ZNF558: variants seen among roughly 807,000 people sequenced by gnomAD.
The protein encoded by ZNF558 is zinc finger protein 558.
A neutral mutation model predicts 37.6 loss-of-function variants in ZNF558; 23 were observed. The ratio of observed to expected loss-of-function variants is 0.61; its 90% CI spans 0.44 to 0.87. The LOEUF is 0.87. Among genes scored for constraint, ZNF558 ranks in the 40% least tolerant of loss-of-function variants. The pLI is 0.00. For missense variants in ZNF558, 429 were observed against 483.7 expected, an observed-to-expected ratio of 0.89 and a Z score of 1.06; for synonymous variants, 189 against 174.4, an observed-to-expected ratio of 1.08 and a Z score of -0.66.
intron 8 of ZNF558, among the ~76,000 whole-genome samples, chr19:8,812,887 A>G: frequency 6.6e-6 from 1 of 152,252 alleles, no homozygotes; most frequent in East Asian, 1.9e-4. Context: ...GAAATTTTCA[A>G]AAGAGTTGCA....
chr19:8,822,906 C>G lies in ZNF558; in HGVS notation c.-65-182G>C. 2 of 591,042 alleles carry G rather than the reference C, an allele frequency of 3.4e-6. No homozygotes were observed. The highest frequency in any genetic ancestry group is 6.0e-6 in the Non-Finnish European group (2 of 334,032). 36.6% of individuals were successfully genotyped at this position (591,042 alleles called of 1,614,324 possible). A position where few individuals can be genotyped will look rare whatever the true frequency, so the allele number is the denominator to read the frequency against. On this transcript the variant is annotated intron_variant, in intron 4 of 9. Transcript: ENST00000601372. The surrounding 1 kb of genome is among the most constrained non-coding windows in gnomAD (Gnocchi z 4.4). ...GGCCACCTGATGGAAAACTTGCCTT[C>G]CTCTGTCCCCAACACAACGACCAGT...
At chr19:8,833,016 T>C, upstream of ZNF558, 1 of 151,626 alleles carries the variant, frequency 6.6e-6, no homozygotes, top group Admixed American at 6.6e-5. Flanking sequence ...CGGAGACCAG[T>C]TCTGGGGGCG....
chr19:8,830,477 C>T (rs759112216), intron 2 of ZNF558, among the ~76,000 whole-genome samples: 12 of 152,278 alleles, frequency 7.9e-5, no homozygotes, highest in Non-Finnish European at 1.2e-4. Flanking sequence ...AAAAAAATCC[C>T]ATTACTCAAA....
At chr19:8,823,592 A>AC (rs2044158529) in intron 4 of ZNF558, among the ~76,000 whole-genome samples, 1 of 89,646 alleles carries the variant, frequency 1.1e-5, no homozygotes, top group Non-Finnish European at 2.2e-5. Flanking sequence ...GGCCTCAGTC[A>AC]CCCCCCTCCT....
In ZNF558 at chr19:8,824,347, G is replaced by A. The variant is rs898965336; in HGVS notation, c.-331C>T. 1.3e-5 allele frequency: 2 copies of A among 152,232 alleles called. No homozygotes were observed. The highest frequency in any genetic ancestry group is 1.3e-4 in the Admixed American group (2 of 15,284). The allele number at this position is 152,232 out of a possible 1,614,324, so 9.4% of individuals were successfully genotyped here. On this transcript the variant is annotated 5_prime_UTR_variant, in exon 4 of 10. Coordinates refer to ENST00000601372, the MANE Select transcript of ZNF558 (RefSeq NM_144693.3). ...CCCGGTACCCGTTGAGCCTTCAGAT[G>A]ATGCAGACCCAGCTGACAGCCTTCT...
chr19:8,807,787 T>A lies in ZNF558; in HGVS notation c.*3494A>T, dbSNP rs941576629. On this transcript the variant is annotated 3_prime_UTR_variant, in exon 10 of 10. Transcript: ENST00000601372. ...TAATACCATATTTTCTTGATTTTTCTATAATCTGTTCCTCCTCCATTAGGT... is the reference window on the plus strand; with the variant it reads ...TAATACCATATTTTCTTGATTTTTCAATAATCTGTTCCTCCTCCATTAGGT... 4 of 152,218 alleles carry A rather than the reference T, an allele frequency of 2.6e-5. No individual in the cohort carries two copies. Among genetic ancestry groups the A allele is most frequent in the Non-Finnish European group, 5.9e-5 (4 of 68,046 alleles). 9.4% of individuals were successfully genotyped at this position (152,218 alleles called of 1,614,324 possible).
chr19:8,812,632 G>C lies in ZNF558; in HGVS notation c.355C>G (p.Leu119Val). Residue 119 changes from leucine (L) to valine (V), a missense_variant, in exon 9 of 10, where the codon CTA becomes GTA. Transcript: ENST00000601372. ...LPSTCPDLET[L>V]LKAKWLTPKK... ...GGAGTTAACCATTTGGCTTTAAGTAGAGTCTCCAAATCTGAAACAAATTGA... is the reference window on the plus strand; with the variant it reads ...GGAGTTAACCATTTGGCTTTAAGTACAGTCTCCAAATCTGAAACAAATTGA... The C allele has an allele frequency of 6.2e-7, 1 of 1,601,086 alleles. No individual in the cohort carries two copies. The highest frequency in any genetic ancestry group is 8.5e-7 in the Non-Finnish European group (1 of 1,176,086).
upstream of ZNF558, among the ~76,000 whole-genome samples, chr19:8,834,432 AC>A (rs2044430907): frequency 6.6e-6 from 1 of 151,936 alleles, no homozygotes; most frequent in Non-Finnish European, 1.5e-5. Flanking sequence ...ACATGGTGAA[AC>A]CCCGTCTCTA....
rs1465458114 is a variant in ZNF558 at position 8,809,285 on chromosome 19, T to C, written c.*1996A>G. 6.6e-6 allele frequency: 1 copy of C among 152,204 alleles called. No individual in the cohort carries two copies. Among genetic ancestry groups the C allele is most frequent in the African/African-American group, 2.4e-5 (1 of 41,450 alleles). The allele number at this position is 152,204 out of a possible 1,614,324, so 9.4% of individuals were successfully genotyped here. ...GAATGGGTGAGGTGAATGGAAAATA[T>C]GTGAGGAGAACAAGCCAGGAGATGT... is the stretch of plus-strand genomic sequence containing the variant. On this transcript the variant is annotated 3_prime_UTR_variant, in exon 10 of 10. Coordinates refer to ENST00000601372, the MANE Select transcript of ZNF558 (RefSeq NM_144693.3).
intron 2 of ZNF558, among the ~76,000 whole-genome samples, chr19:8,827,544 G>C (rs1458555565): frequency 6.9e-6 from 1 of 145,796 alleles, no homozygotes; most frequent in Non-Finnish European, 1.5e-5. Context: ...TCTTGATCTT[G>C]GTCTTGGTCA....
At chr19:8,819,399 T>C (rs780061446) in intron 7 of ZNF558, among the ~76,000 whole-genome samples, 5 of 152,142 alleles carry the variant, frequency 3.3e-5, no homozygotes, top group Non-Finnish European at 5.9e-5. Context: ...CAGGCTGGTC[T>C]TGAACTCCTG....
Position 8,812,539 on chromosome 19 carries a change from A to G in ZNF558, c.426+22T>C, listed in dbSNP as rs1388664502. On this transcript the variant is annotated intron_variant, in intron 9 of 9. Transcript: ENST00000601372. ...GCATTCTCCTACTGTAGAAAACCAG[A>G]AATCACCCATGTTAGTCTTACCGTT... The G allele has an allele frequency of 2.0e-6, 3 of 1,496,866 alleles. No individual in the cohort carries two copies. In the East Asian group the frequency reaches 7.3e-5, roughly 36 times the overall value. 92.7% of individuals were successfully genotyped at this position (1,496,866 alleles called of 1,614,324 possible).
chr19:8,838,108 C>T, the ZNF558 span, among the ~76,000 whole-genome samples: 6 of 151,300 alleles, frequency 4.0e-5, no homozygotes, highest in East Asian at 3.9e-4. Flanking sequence ...ATAAGCTGGG[C>T]GTGGTGGTGC....
chr19:8,817,344 A>T (rs2967765), intron 7 of ZNF558, among the ~76,000 whole-genome samples: 97,486 of 151,810 alleles, frequency 0.64, 31,695 homozygotes, highest in South Asian at 0.8. Context: ...CCCTACAACC[A>T]TTCTATTTTT....
chr19:8,835,923 T>C (rs750767771), upstream of ZNF558, among the ~76,000 whole-genome samples: 6 of 152,220 alleles, frequency 3.9e-5, no homozygotes, highest in Non-Finnish European at 8.8e-5. Flanking sequence ...AAAACCCACA[T>C]TTTGTATAAT....
At position 8,813,187 on chromosome 19, in the gene ZNF558, A is replaced by G; in HGVS notation, c.283T>C (p.Leu95=). The G allele has an allele frequency of 6.3e-7, 1 of 1,599,968 alleles. No individual in the cohort carries two copies. The highest frequency in any genetic ancestry group is 2.2e-5 in the East Asian group (1 of 44,732). The change falls in exon 8 of 10, where the codon TTG becomes CTG. Residue 95 remains leucine (L), a synonymous_variant. Transcript: ENST00000601372. ...GTCACCACCTTCTTGTCTTGTTCCA[A>G]CTGGGATATCAGACTGGGTTTATTA... ...RVNKPSLISQ[L]EQDKKVVTEE...
chr19:8,817,021 A>G (rs985084388), intron 7 of ZNF558, among the ~76,000 whole-genome samples: 2 of 152,216 alleles, frequency 1.3e-5, no homozygotes, highest in African/African-American at 4.8e-5. Flanking sequence ...AATAACTAAA[A>G]AGATTAAAAA....
In ZNF558 at chr19:8,812,046, T is replaced by C; in HGVS notation, c.444A>G (p.Gly148=). ...KGVKTERSHR[G]VKLNECNQCF... is the part of the protein sequence containing the mutation. ...ACTGATTACATTCATTGAGTTTCAC[T>C]CCACGATGACTTCTTTCCTGTGGAT... The change falls in exon 10 of 10, where the codon GGA becomes GGG. Residue 148 remains glycine (G), a synonymous_variant. Coordinates refer to ENST00000601372, the MANE Select transcript of ZNF558 (RefSeq NM_144693.3). The C allele has an allele frequency of 1.3e-6, 2 of 1,589,626 alleles. No individual in the cohort carries two copies. Among genetic ancestry groups the C allele is most frequent in the Non-Finnish European group, 1.7e-6 (2 of 1,167,632 alleles).
intron 7 of ZNF558, among the ~76,000 whole-genome samples, chr19:8,814,161 G>C (rs994756491): frequency 6.6e-6 from 1 of 152,204 alleles, no homozygotes; most frequent in Non-Finnish European, 1.5e-5. Flanking sequence ...CTGGGTAAGA[G>C]AGCTTTATGA....
Sources: gnomAD v4.1 joint callset for allele counts (sites outside exome capture counted in the v4.1 genomes callset) on GRCh38, gnomAD v4.1.1 for gene constraint, Gnocchi (gnomAD v3.1) non-coding constraint, MANE v1.5 for transcripts, NCBI Gene and HGNC (gene_info 2026-07-23, HGNC 2026-07-21) for gene names.